IMMP2L: variants seen among roughly 807,000 people sequenced by gnomAD.
IMMP2L encodes inner mitochondrial membrane peptidase subunit 2.
Under a neutral mutation model 19.3 loss-of-function variants are expected in IMMP2L, and 18 were observed. That is an observed-to-expected ratio of 0.93 (90% CI 0.64 to 1.38). The LOEUF is 1.38. IMMP2L is among the 40% of genes most tolerant of loss of function. The pLI is 0.00. For missense variants in IMMP2L, 233 were observed against 218.2 expected (o/e 1.07, Z -0.43); for synonymous variants, 76 against 73.0 (o/e 1.04, Z -0.21).
At chr7:111,421,593 T>G (rs1440904311) in intron 3 of IMMP2L, among the ~76,000 whole-genome samples, 1 of 151,744 alleles carries the variant, frequency 6.6e-6, no homozygotes, top group Admixed American at 6.6e-5. Flanking sequence ...TAAATTGGTT[T>G]GAGTACTTTG....
chr7:111,002,126 G>C (rs547768581), intron 3 of IMMP2L, among the ~76,000 whole-genome samples: 40 of 152,060 alleles, frequency 2.6e-4, no homozygotes, highest in African/African-American at 9.6e-4. Context: ...GTCAAGTGCA[G>C]GGAGTACAAA....
At chr7:110,895,035 G>C (rs1373098225) in intron 4 of IMMP2L, among the ~76,000 whole-genome samples, 1 of 152,112 alleles carries the variant, frequency 6.6e-6, no homozygotes, top group Non-Finnish European at 1.5e-5. Context: ...CCAAGACTGG[G>C]CAATTTACAA....
rs548010558 is a variant in IMMP2L at position 111,234,905 on chromosome 7, G to A, written c.239+252333C>T. On this transcript the variant is annotated intron_variant, in intron 3 of 5. Coordinates refer to ENST00000405709, the MANE Select transcript of IMMP2L (RefSeq NM_032549.4). ...ATAATTTTACTTCTATATATGTCAC[G>A]AAGTCCACAATATATTTTTATTATT... Among the ~76,000 whole-genome samples the A allele has an allele frequency of 7.9e-5, 12 of 151,946 alleles. No individual in the cohort carries two copies. The East Asian group carries it at 1.4e-3, about 17-fold the overall frequency.
In IMMP2L at chr7:110,728,772, T is replaced by A. The variant is rs1313186228; in HGVS notation, c.409-65051A>T. On this transcript the variant is annotated intron_variant, in intron 5 of 5. Coordinates refer to ENST00000405709, the MANE Select transcript of IMMP2L (RefSeq NM_032549.4). The surrounding 1 kb of genome is among the most constrained non-coding windows in gnomAD (Gnocchi z 4.6). Reference sequence around the variant, plus strand: ...GGTTCTGTGCATATTACCTCATTTGTTTCTCACCATATTCGTGAGGTGGCT... The same window carrying A: ...GGTTCTGTGCATATTACCTCATTTGATTCTCACCATATTCGTGAGGTGGCT... Among the ~76,000 whole-genome samples the A allele has an allele frequency of 6.6e-6, 1 of 152,212 alleles. No individual in the cohort carries two copies. Among genetic ancestry groups the A allele is most frequent in the Non-Finnish European group, 1.5e-5 (1 of 68,044 alleles).
At chr7:110,740,953 T>A (rs1480105166) in intron 5 of IMMP2L, among the ~76,000 whole-genome samples, 1 of 149,438 alleles carries the variant, frequency 6.7e-6, no homozygotes, top group Non-Finnish European at 1.5e-5. Flanking sequence ...TAAAAGTAGA[T>A]CTACTCTTTG....
chr7:110,787,605 C>A lies in IMMP2L; in HGVS notation c.408+98988G>T, dbSNP rs922299341. On this transcript the variant is annotated intron_variant, in intron 5 of 5. Transcript: ENST00000405709. ...TGACACCCTAATTAAAATGTGAAGT[C>A]AAAATCACATTTGAATTAAATTTGT... 1.3e-4 allele frequency among the ~76,000 whole-genome samples: 19 copies of A among 151,924 alleles called. No homozygotes were observed. In the South Asian group the frequency reaches 2.1e-3, roughly 17 times the overall value.
intron 3 of IMMP2L, among the ~76,000 whole-genome samples, chr7:110,988,624 C>T (rs1030240498): frequency 2.6e-5 from 4 of 151,722 alleles, no homozygotes; most frequent in Admixed American, 6.6e-5. Context: ...CACAGTAAGG[C>T]AGCAAAAAAA....
intron 5 of IMMP2L, among the ~76,000 whole-genome samples, chr7:110,831,785 T>G (rs1803992563): frequency 6.6e-6 from 1 of 152,182 alleles, no homozygotes; most frequent in African/African-American, 2.4e-5. Flanking sequence ...CTCTAGACAT[T>G]TGGGGTCACT....
chr7:111,393,502 A>G (rs140425760), intron 3 of IMMP2L, among the ~76,000 whole-genome samples: 304 of 151,998 alleles, frequency 2.0e-3, no homozygotes, highest in African/African-American at 6.2e-3. Context: ...AAATTACTCT[A>G]TTGTCTGCTG....
chr7:111,230,068 A>G (rs1001535415), intron 3 of IMMP2L, among the ~76,000 whole-genome samples: 1 of 152,074 alleles, frequency 6.6e-6, no homozygotes, highest in Non-Finnish European at 1.5e-5. Flanking sequence ...TAACCACAGA[A>G]GATCTCTTCG....
chr7:110,953,908 CTGATGACCAG>C (rs1017728692), intron 4 of IMMP2L, among the ~76,000 whole-genome samples: 1 of 152,126 alleles, frequency 6.6e-6, no homozygotes, highest in African/African-American at 2.4e-5. Flanking sequence ...TTGCATTTCT[CTGATGACCAG>C]TGATGATGAG....
At chr7:110,969,156 C>T (rs764438481) in intron 3 of IMMP2L, among the ~76,000 whole-genome samples, 1 of 151,952 alleles carries the variant, frequency 6.6e-6, no homozygotes, top group Non-Finnish European at 1.5e-5. Flanking sequence ...TCTGTAAAAT[C>T]AAGATAAAAA....
At chr7:111,016,720 TTA>T (rs1358901343) in intron 3 of IMMP2L, among the ~76,000 whole-genome samples, 1 of 98,856 alleles carries the variant, frequency 1.0e-5, no homozygotes, top group Non-Finnish European at 1.8e-5. Context: ...TTATATATAT[TTA>T]TATATAAAAT....
chr7:111,128,985 A>G (rs1801587374), intron 3 of IMMP2L, among the ~76,000 whole-genome samples: 1 of 152,222 alleles, frequency 6.6e-6, no homozygotes, highest in Admixed American at 6.5e-5. Context: ...TACAAGGAGG[A>G]GAACCAACTT....
chr7:111,175,388 T>C (rs1181895757), intron 3 of IMMP2L, among the ~76,000 whole-genome samples: 1 of 151,874 alleles, frequency 6.6e-6, no homozygotes, highest in Non-Finnish European at 1.5e-5. Context: ...ATATGTACAC[T>C]TTTTAGTAAT....
chr7:110,892,260 T>C (rs184320183), intron 4 of IMMP2L, among the ~76,000 whole-genome samples: 52 of 152,276 alleles, frequency 3.4e-4, no homozygotes, highest in African/African-American at 1.2e-3. Context: ...GTCTGAAGTC[T>C]CAACATACCT....
intron 3 of IMMP2L, among the ~76,000 whole-genome samples, chr7:111,017,262 T>C (rs1825805071): frequency 6.6e-6 from 1 of 151,306 alleles, no homozygotes; most frequent in Non-Finnish European, 1.5e-5. Flanking sequence ...TGGGGTCTCA[T>C]CATGTTGCCC....
At position 111,109,448 on chromosome 7, in the gene IMMP2L, G is replaced by A. The variant is rs1215198252; in HGVS notation, c.240-145883C>T. 3.3e-5 allele frequency among the ~76,000 whole-genome samples: 5 copies of A among 152,094 alleles called. 1 individual carries two copies. The highest frequency in any genetic ancestry group is 7.4e-5 in the Non-Finnish European group (5 of 68,022). On this transcript the variant is annotated intron_variant, in intron 3 of 5. Coordinates refer to ENST00000405709, the MANE Select transcript of IMMP2L (RefSeq NM_032549.4). ...AAGTATAGGCTTACTCAGTGAGTAA[G>A]ACATAGGTCTAGACATGAAGGTGTT...
At chr7:111,042,168 A>AGAT (rs1240602592) in intron 3 of IMMP2L, among the ~76,000 whole-genome samples, 1 of 152,018 alleles carries the variant, frequency 6.6e-6, no homozygotes, top group East Asian at 1.9e-4. Flanking sequence ...TGGCCATCAT[A>AGAT]GATACCATTT....
Sources: gnomAD v4.1 joint callset for allele counts (sites outside exome capture counted in the v4.1 genomes callset) on GRCh38, gnomAD v4.1.1 for gene constraint, Gnocchi (gnomAD v3.1) non-coding constraint, MANE v1.5 for transcripts, NCBI Gene and HGNC (gene_info 2026-07-23, HGNC 2026-07-21) for gene names.